The following C20orf203 variants were observed in gnomAD, a reference collection of about 807,000 sequenced individuals.
The protein encoded by C20orf203 is chromosome 20 open reading frame 203.
In C20orf203, 16 loss-of-function variants were observed where a neutral mutation model predicts 15.9. The observed-to-expected ratio is 1.01, with a 90% CI of 0.68 to 1.53. C20orf203 has a LOEUF of 1.53. C20orf203 is among the 40% of genes most tolerant of loss of function. The pLI, the probability that C20orf203 is intolerant of heterozygous loss-of-function variation, is 0.00. For synonymous variants in C20orf203, 98 were observed against 97.2 expected (o/e 1.01, Z -0.05); for missense variants, 263 against 247.5 (o/e 1.06, Z -0.42).
chr20:32,651,291 G>C (rs1982619462), intron 2 of C20orf203, 125 bp from the exon 3 acceptor site: 1 of 406,378 alleles, frequency 2.5e-6, no homozygotes. Flanking sequence ...TGAGGCCGTA[G>C]TGAGCCATGA....
chr20:32,654,996 C>T (rs1982720643), intron 1 of C20orf203, among the ~76,000 whole-genome samples: 1 of 152,196 alleles, frequency 6.6e-6, no homozygotes, highest in Admixed American at 6.5e-5. Context: ...TCCTGAGAGT[C>T]CAGAAATAAA....
chr20:32,670,226 C>T lies in C20orf203; in HGVS notation c.-264+3406G>A, dbSNP rs368292126. Among the ~76,000 whole-genome samples, 49 of 149,740 alleles carry T rather than the reference C, an allele frequency of 3.3e-4. No individual in the cohort carries two copies. In the East Asian group the frequency reaches 5.8e-3, roughly 18 times the overall value. ...ACTGCGTTTCAAAAAATAAATAGGC[C>T]GGGCTCGGTGGCTCACGCCTGTAAT... On this transcript the variant is annotated intron_variant, in intron 1 of 5. Coordinates refer to ENST00000608990, the MANE Select transcript of C20orf203 (RefSeq NM_182584.4).
intron 5 of C20orf203, 77 bp from the exon 6 acceptor site, chr20:32,634,347 C>T (rs1341686816): frequency 1.3e-5 from 5 of 396,924 alleles, no homozygotes; most frequent in African/African-American, 8.2e-5. Context: ...ATGGACAAAG[C>T]GGTGGAAGAC....
At chr20:32,635,798 G>A (rs185830677) in intron 5 of C20orf203, among the ~76,000 whole-genome samples, 1 of 152,210 alleles carries the variant, frequency 6.6e-6, no homozygotes, top group East Asian at 1.9e-4. Flanking sequence ...GTAATGGTGG[G>A]CCAGTCTCAC....
chr20:32,660,307 A>G (rs755474140), intron 1 of C20orf203, among the ~76,000 whole-genome samples: 1 of 152,226 alleles, frequency 6.6e-6, no homozygotes, highest in African/African-American at 2.4e-5. Flanking sequence ...ACTGAATGAC[A>G]GAGCCAAGGG....
chr20:32,650,348 G>GC lies in C20orf203; in HGVS notation c.*83_*84insG. 1.1e-6 allele frequency: 1 copy of GC among 948,574 alleles called. No homozygotes were observed. Among genetic ancestry groups the GC allele is most frequent in the Non-Finnish European group, 1.6e-6 (1 of 622,510 alleles). 58.8% of individuals were successfully genotyped at this position (948,574 alleles called of 1,614,324 possible). A position where few individuals can be genotyped will look rare whatever the true frequency, so the allele number is the denominator to read the frequency against. On this transcript the variant is annotated 3_prime_UTR_variant, in exon 4 of 6. Coordinates refer to ENST00000608990, the MANE Select transcript of C20orf203 (RefSeq NM_182584.4). ...CTGGGGAGCAGAATGATTGTGGGGGGTGGTAACAGGGGACACCCTGAGGTG... is the reference window on the plus strand; with the variant it reads ...CTGGGGAGCAGAATGATTGTGGGGGGCTGGTAACAGGGGACACCCTGAGGTG...
intron 1 of C20orf203, among the ~76,000 whole-genome samples, chr20:32,669,517 T>C (rs1237917813): frequency 2.0e-5 from 3 of 152,190 alleles, no homozygotes; most frequent in Non-Finnish European, 1.5e-5. Context: ...AAAGAAACTC[T>C]GGGGAACCTG....
At chr20:32,664,256 G>A (rs1982967105) in intron 1 of C20orf203, among the ~76,000 whole-genome samples, 2 of 152,226 alleles carry the variant, frequency 1.3e-5, no homozygotes, top group Non-Finnish European at 2.9e-5. Flanking sequence ...TGTTGGAAAG[G>A]CACTGACAGT....
rs1446017290 is a variant in C20orf203 at position 32,651,029 on chromosome 20, T to A, written c.124A>T (p.Met42Leu). ...LASFPFTKTG[M>L]LSRATSVLAG... ...ACAGCACTTCTTACCCGGCTCAGCATTCCAGTTTTTGTAAAGGGAAAACTG... is the reference window on the plus strand; with the variant it reads ...ACAGCACTTCTTACCCGGCTCAGCAATCCAGTTTTTGTAAAGGGAAAACTG... The change falls in exon 3 of 6, where the codon ATG becomes TTG. Residue 42 changes from methionine (M) to leucine (L), a missense_variant. Coordinates refer to ENST00000608990, the MANE Select transcript of C20orf203 (RefSeq NM_182584.4). 8 of 1,502,542 alleles carry A rather than the reference T, an allele frequency of 5.3e-6. No homozygotes were observed. Among genetic ancestry groups the A allele is most frequent in the Non-Finnish European group, 7.1e-6 (8 of 1,122,638 alleles). The allele number at this position is 1,502,542 out of a possible 1,614,324, so 93.1% of individuals were successfully genotyped here. A position where few individuals can be genotyped will look rare whatever the true frequency, so the allele number is the denominator to read the frequency against.
At chr20:32,646,382 T>C (rs1982433552) in intron 4 of C20orf203, among the ~76,000 whole-genome samples, 2 of 152,050 alleles carry the variant, frequency 1.3e-5, no homozygotes, top group African/African-American at 4.8e-5. Context: ...ATTTTTGTAT[T>C]TTTAGTAGAG....
chr20:32,639,947 C>T (rs1188900010), intron 5 of C20orf203, among the ~76,000 whole-genome samples: 5 of 152,196 alleles, frequency 3.3e-5, no homozygotes, highest in African/African-American at 7.2e-5. Context: ...TACCATGTGC[C>T]GTTCGTGGGC....
rs1258578866 is a variant in C20orf203, at chr20:32,633,751, CCT to C, written c.*1817_*1818del. Reference sequence around the variant, plus strand: ...GTCTGTAACCTGGTGGTGCCTCCTGCCTCTGACTCCTCCGGCCAGTCGCCCTG... The same window carrying C: ...GTCTGTAACCTGGTGGTGCCTCCTGCCTGACTCCTCCGGCCAGTCGCCCTG... On this transcript the variant is annotated 3_prime_UTR_variant, in exon 6 of 6. Transcript: ENST00000608990. 2.9e-6 allele frequency: 1 copy of C among 340,284 alleles called. No individual in the cohort carries two copies. Among genetic ancestry groups the C allele is most frequent in the Non-Finnish European group, 5.3e-6 (1 of 189,524 alleles). 21.1% of individuals were successfully genotyped at this position (340,284 alleles called of 1,614,324 possible).
intron 4 of C20orf203, among the ~76,000 whole-genome samples, chr20:32,646,433 T>G (rs1982435066): frequency 6.6e-6 from 1 of 152,178 alleles, no homozygotes; most frequent in Non-Finnish European, 1.5e-5. Flanking sequence ...CTCGAACTCC[T>G]GGCCTCAAGT....
At chr20:32,658,563 G>A (rs1982816490) in intron 1 of C20orf203, among the ~76,000 whole-genome samples, 1 of 152,022 alleles carries the variant, frequency 6.6e-6, no homozygotes, top group Non-Finnish European at 1.5e-5. Flanking sequence ...AAAGGGCTGG[G>A]ATTACAGGAG....
chr20:32,650,907 G>T, intron 3 of C20orf203, 26 bp from the exon 4 acceptor site: 1 of 1,445,150 alleles, frequency 6.9e-7, no homozygotes, highest in African/African-American at 1.4e-5. Flanking sequence ...CCCCCAAGAA[G>T]ATCATAGAAT....
intron 5 of C20orf203, among the ~76,000 whole-genome samples, chr20:32,634,865 T>A (rs1190033962): frequency 1.3e-5 from 2 of 152,212 alleles, no homozygotes; most frequent in Admixed American, 1.3e-4. Flanking sequence ...ACAGTGGTTA[T>A]CTCTGGTGAT....
intron 5 of C20orf203, among the ~76,000 whole-genome samples, chr20:32,635,228 G>A (rs1002286039): frequency 3.3e-5 from 5 of 152,046 alleles, no homozygotes; most frequent in African/African-American, 9.7e-5. Flanking sequence ...GGCCAGACAC[G>A]GTGGCTCATG....
In C20orf203 at chr20:32,633,738, G is replaced by A. The variant is rs988650779; in HGVS notation, c.*1832C>T. On this transcript the variant is annotated 3_prime_UTR_variant, in exon 6 of 6. Coordinates refer to ENST00000608990, the MANE Select transcript of C20orf203 (RefSeq NM_182584.4). ...GTAGAAGGTCCTTGTCTGTAACCTG[G>A]TGGTGCCTCCTGCCTCTGACTCCTC... The A allele has an allele frequency of 4.5e-5, 15 of 330,092 alleles. No homozygotes were observed. Among genetic ancestry groups the A allele is most frequent in the African/African-American group, 3.2e-4 (15 of 47,124 alleles). 20.4% of individuals were successfully genotyped at this position (330,092 alleles called of 1,614,324 possible).
intron 1 of C20orf203, among the ~76,000 whole-genome samples, chr20:32,663,171 A>G (rs1982934740): frequency 6.6e-6 from 1 of 151,922 alleles, no homozygotes; most frequent in South Asian, 2.1e-4. Context: ...GGTGGTCTTA[A>G]ACTCCTGACC....
Sources: gnomAD v4.1 joint callset for allele counts (sites outside exome capture counted in the v4.1 genomes callset) on GRCh38, gnomAD v4.1.1 for gene constraint, MANE v1.5 for transcripts, NCBI Gene and HGNC (gene_info 2026-07-23, HGNC 2026-07-21) for gene names.